Variants in GTPBP4 observed in about 807,000 individuals in gnomAD.
GTPBP4 encodes GTP-binding protein 4.
GTPBP4 carries 15 observed loss-of-function variants against 81.7 expected under a neutral mutation model. That is an observed-to-expected ratio of 0.18 (90% confidence interval 0.12 to 0.28). The LOEUF (loss-of-function observed/expected upper bound fraction) is 0.28, where lower values mean the gene tolerates loss of function less well. GTPBP4 is among the 10% of genes least tolerant of loss of function. GTPBP4 has a pLI of 1.00. For missense variants in GTPBP4, 847 were observed against 793.8 expected, an observed-to-expected ratio of 1.07 and a Z score of -0.81; for synonymous variants, 272 against 274.6, an observed-to-expected ratio of 0.99 and a Z score of 0.09.
At chr10:1,013,109 G>C (rs1219442332) in intron 14 of GTPBP4, among the ~76,000 whole-genome samples, 6 of 151,540 alleles carry the variant, frequency 4.0e-5, no homozygotes, top group Admixed American at 3.9e-4. Context: ...TCAGCCTCCC[G>C]AGTAGCTGGG....
Position 1,008,958 on chromosome 10 carries a change from G to A in GTPBP4, c.1114G>A (p.Glu372Lys), listed in dbSNP as rs149656462. 4,473 of 1,606,050 alleles carry A rather than the reference G, an allele frequency of 2.8e-3. 29 individuals are homozygous for A. Among genetic ancestry groups the A allele is most frequent in the Non-Finnish European group, 2.2e-3 (2,551 of 1,172,610 alleles). ...LAIPTRRDDKERPPFIPEGVV... is the reference protein window; with the variant it reads ...LAIPTRRDDKKRPPFIPEGVV... Reference sequence around the variant, plus strand: ...AATATTTTATATGGGATCTTCTCAGGAGAGGCCCCCTTTCATCCCTGAAGG... The same window carrying A: ...AATATTTTATATGGGATCTTCTCAGAAGAGGCCCCCTTTCATCCCTGAAGG... Residue 372 changes from glutamate (E) to lysine (K), a missense_variant and splice_region_variant, in exon 11 of 17, where the codon GAG (glutamate) becomes AAG (lysine). By Grantham distance (56) the Glu-to-Lys change is moderately conservative (BLOSUM62 1). Around this residue, in one of 3 missense-constraint regions of GTPBP4, gnomAD observed 600 missense variants for 557.1 expected, o/e 1.08. Transcript: ENST00000360803.
At position 1,017,288 on chromosome 10, in the gene GTPBP4, G is replaced by A. The variant is rs981345492; in HGVS notation, c.*61G>A. The stretch of plus-strand genomic sequence containing the variant: ...GCTGTTTATTTCCTGGTTTGGCACA[G>A]TATGGTTTCATGAAATTGGAGCTCT... On this transcript the variant is annotated 3_prime_UTR_variant, in exon 17 of 17. Coordinates refer to ENST00000360803, the MANE Select transcript of GTPBP4 (RefSeq NM_012341.3). The A allele has an allele frequency of 8.2e-6, 12 of 1,461,262 alleles. No homozygotes were observed. The highest frequency in any genetic ancestry group is 2.8e-5 in the African/African-American group (2 of 70,854). The allele number at this position is 1,461,262 out of a possible 1,614,324, so 90.5% of individuals were successfully genotyped here. A position where few individuals can be genotyped will look rare whatever the true frequency, so the allele number is the denominator to read the frequency against.
At chr10:1,000,080 A>T (rs1398315944) in intron 6 of GTPBP4, among the ~76,000 whole-genome samples, 2 of 152,188 alleles carry the variant, frequency 1.3e-5, no homozygotes, top group Non-Finnish European at 2.9e-5. Context: ...TTTGTGTTTT[A>T]TGATGTCGCT....
intron 5 of GTPBP4, 145 bp downstream of exon 5, chr10:997,453 A>G: frequency 1.5e-6 from 1 of 686,280 alleles, no homozygotes; most frequent in South Asian, 1.6e-5. Context: ...GGCCTTGGTA[A>G]TAATTTCGGC....
intron 8 of GTPBP4, among the ~76,000 whole-genome samples, chr10:1,001,931 G>T (rs11499189): frequency 0.05 from 7,257 of 145,614 alleles, 594 homozygotes; most frequent in African/African-American, 0.17. Flanking sequence ...TTTTATTTTT[G>T]TTTTTTTTTT....
At chr10:1,005,210 A>G (rs1225757351) in intron 8 of GTPBP4, among the ~76,000 whole-genome samples, 2 of 151,854 alleles carry the variant, frequency 1.3e-5, no homozygotes, top group Non-Finnish European at 2.9e-5. Flanking sequence ...CAGTGGCGTG[A>G]TCTCTGCTCA....
rs781518215 is a variant in GTPBP4, at chr10:992,604, A to T, written c.164A>T (p.Gln55Leu). ...TACATGAGAAAAGTCAAATTTACTCAACAGAATTACCATGATAGACTTTCA... is the reference window on the plus strand; with the variant it reads ...TACATGAGAAAAGTCAAATTTACTCTACAGAATTACCATGATAGACTTTCA... ...HFYMRKVKFT[Q>L]QNYHDRLSQI... The change falls in exon 2 of 17, where the codon CAA (glutamine) becomes CTA (leucine). Residue 55 changes from glutamine (Q) to leucine (L), a missense_variant. Transcript: ENST00000360803. 53 of 1,606,776 alleles carry T rather than the reference A, an allele frequency of 3.3e-5. No individual in the cohort carries two copies. Among genetic ancestry groups the T allele is most frequent in the Non-Finnish European group, 4.2e-5 (49 of 1,173,808 alleles).
Position 995,992 on chromosome 10 carries a change from G to T in GTPBP4, c.283G>T (p.Ala95Ser), listed in dbSNP as rs747427759. Reference protein sequence around the residue: ...ILYDKDHYKLALGQINIAKNL... With the variant: ...ILYDKDHYKLSLGQINIAKNL... ...CTACGACAAGGATCATTACAAGTTG[G>T]CTCTGGGGCAAATAAATATTGCCAA... The change falls in exon 3 of 17, where the codon GCT becomes TCT. Residue 95 changes from alanine (A) to serine (S), a missense_variant. This residue lies in a region of GTPBP4 where 241 missense variants were observed against 216.3 expected (regional missense o/e 1.11). Coordinates refer to ENST00000360803, the MANE Select transcript of GTPBP4 (RefSeq NM_012341.3). 3.1e-6 allele frequency: 5 copies of T among 1,611,700 alleles called. No homozygotes were observed. Among genetic ancestry groups the T allele is most frequent in the Non-Finnish European group, 4.2e-6 (5 of 1,177,780 alleles).
At chr10:1,012,972 C>G (rs1467391188) in intron 14 of GTPBP4, among the ~76,000 whole-genome samples, 2 of 152,104 alleles carry the variant, frequency 1.3e-5, no homozygotes, top group Non-Finnish European at 2.9e-5. Context: ...TTTTCCTCTT[C>G]TTTTTTCTCT....
At chr10:1,008,616 A>G (rs548185819) in intron 10 of GTPBP4, among the ~76,000 whole-genome samples, 2 of 152,140 alleles carry the variant, frequency 1.3e-5, no homozygotes, top group African/African-American at 2.4e-5. Flanking sequence ...CTGTTGATCC[A>G]GTGTTATTTC....
intron 11 of GTPBP4, 119 bp downstream of exon 11, chr10:1,009,154 G>A: frequency 2.9e-6 from 2 of 701,488 alleles, no homozygotes; most frequent in Non-Finnish European, 5.0e-6. Flanking sequence ...GGCCCCGTCA[G>A]GCTGCGGACA....
At chr10:1,009,306 G>T (rs1334397575) in intron 11 of GTPBP4, among the ~76,000 whole-genome samples, 1 of 152,148 alleles carries the variant, frequency 6.6e-6, no homozygotes, top group Non-Finnish European at 1.5e-5. Flanking sequence ...CTAAAGGCCG[G>T]CCCCACAGAC....
intron 2 of GTPBP4, among the ~76,000 whole-genome samples, chr10:994,703 T>TA (rs1284627467): frequency 2.6e-5 from 4 of 152,234 alleles, no homozygotes; most frequent in Admixed American, 1.3e-4. Context: ...TCCTCAGTGT[T>TA]ATAGCCATCA....
chr10:995,306 G>A (rs900673128), intron 2 of GTPBP4, among the ~76,000 whole-genome samples: 4 of 152,180 alleles, frequency 2.6e-5, no homozygotes, highest in African/African-American at 7.2e-5. Context: ...CCTAGAAGCT[G>A]TGAGGAAAAT....
At position 1,016,330 on chromosome 10, in the gene GTPBP4, G is replaced by A. The variant is rs183936106; in HGVS notation, c.1752+434G>A. On this transcript the variant is annotated intron_variant, in intron 16 of 16. Coordinates refer to ENST00000360803, the MANE Select transcript of GTPBP4 (RefSeq NM_012341.3). ...TAGGTTGCAGGATTGTTCCCCCCAG[G>A]TGGAGAGCTTGAGTCACATTTAGTT... is the stretch of plus-strand genomic sequence containing the variant. Among the ~76,000 whole-genome samples the A allele has an allele frequency of 2.4e-3, 362 of 152,348 alleles. 2 individuals carry two copies. The highest frequency in any genetic ancestry group is 3.9e-3 in the Non-Finnish European group (265 of 68,034).
Position 1,000,881 on chromosome 10 carries a change from A to G in GTPBP4, c.846+13A>G. 6.2e-7 allele frequency: 1 copy of G among 1,611,538 alleles called. No individual in the cohort carries two copies. Among genetic ancestry groups the G allele is most frequent in the South Asian group, 1.1e-5 (1 of 90,902 alleles). ...CTTCATCAACAAGGTGTGTGTGGTC[A>G]CTCATGTTTTGCTTCATATCCTGCA... On this transcript the variant is annotated intron_variant, in intron 7 of 16. Transcript: ENST00000360803.
In GTPBP4 at chr10:994,514, G is replaced by A. The variant is rs917411531; in HGVS notation, c.220-1415G>A. Among the ~76,000 whole-genome samples the A allele has an allele frequency of 2.6e-5, 4 of 152,130 alleles. No individual in the cohort carries two copies. In the East Asian group the frequency reaches 5.8e-4, roughly 22 times the overall value. On this transcript the variant is annotated intron_variant, in intron 2 of 16. Transcript: ENST00000360803. ...TCGAACTCCTGACCTCAGGTGATCC[G>A]CCTGCCTTGGCCTCCCAAAGTGCTG... is the stretch of plus-strand genomic sequence containing the variant.
In GTPBP4 at chr10:998,351, C is replaced by T. The variant is rs536389205; in HGVS notation, c.562-652C>T. 2.6e-5 allele frequency among the ~76,000 whole-genome samples: 4 copies of T among 152,360 alleles called. No individual in the cohort carries two copies. In the East Asian group the frequency reaches 7.7e-4, roughly 29 times the overall value. ...CCGAGCTCAAGCCATCCTCCTGCCT[C>T]AGCCTCCTGAAGTGCTGGGATTACA... On this transcript the variant is annotated intron_variant, in intron 5 of 16. Coordinates refer to ENST00000360803, the MANE Select transcript of GTPBP4 (RefSeq NM_012341.3).
At chr10:1,009,146 C>T in intron 11 of GTPBP4, 111 bp downstream of exon 11, 1 of 738,222 alleles carries the variant, frequency 1.4e-6, no homozygotes, top group African/African-American at 1.7e-5. Flanking sequence ...CAGACACTGG[C>T]CCCGTCAGGC....
Sources: allele counts gnomAD v4.1 joint callset (sites outside exome capture counted in the v4.1 genomes callset), GRCh38; gene constraint gnomAD v4.1.1; regional missense constraint gnomAD v4.1.1; transcripts MANE v1.5; gene names NCBI Gene and HGNC (gene_info 2026-07-23, HGNC 2026-07-21).